Variants in RBFOX1 observed in about 807,000 individuals in gnomAD.
The protein encoded by RBFOX1 is RNA binding protein fox-1 homolog 1.
Under a neutral mutation model 57.7 loss-of-function variants are expected in RBFOX1, and 8 were observed. The ratio of observed to expected loss-of-function variants is 0.14; its 90% CI spans 0.08 to 0.25. The LOEUF is 0.25. RBFOX1 is among the 10% of genes least tolerant of loss of function. The pLI, the probability that RBFOX1 is intolerant of heterozygous loss-of-function variation, is 1.00. For synonymous variants in RBFOX1, 326 were observed against 222.4 expected, an observed-to-expected ratio of 1.47 and a Z score of -4.15; for missense variants, 611 against 548.5, an observed-to-expected ratio of 1.11 and a Z score of -1.14.
At chr16:5,590,638 G>A (rs1284871950) in intron 2 of RBFOX1, among the ~76,000 whole-genome samples, 1 of 152,184 alleles carries the variant, frequency 6.6e-6, no homozygotes, top group Admixed American at 6.5e-5. Flanking sequence ...CCCAGATCGG[G>A]CACTGAGGAA....
At chr16:6,423,400 A>T (rs920642175) in intron 2 of RBFOX1, among the ~76,000 whole-genome samples, 6 of 151,982 alleles carry the variant, frequency 3.9e-5, no homozygotes, top group African/African-American at 1.5e-4. Context: ...GGAGTTTGGG[A>T]CCAGCCTGGG....
intron 4 of RBFOX1, among the ~76,000 whole-genome samples, chr16:7,506,320 G>T (rs1366491153): frequency 2.0e-5 from 3 of 151,578 alleles, no homozygotes; most frequent in African/African-American, 7.3e-5. Flanking sequence ...TACAATGTAG[G>T]ATTCTGACAG....
At chr16:6,083,751 A>G (rs762787432) in intron 1 of RBFOX1, among the ~76,000 whole-genome samples, 70 of 152,084 alleles carry the variant, frequency 4.6e-4, no homozygotes, top group Non-Finnish European at 8.5e-4. Context: ...TGCTGAGATT[A>G]TAAGTGTGAG....
chr16:7,064,601 C>A (rs185687371), intron 4 of RBFOX1, among the ~76,000 whole-genome samples: 1 of 152,264 alleles, frequency 6.6e-6, no homozygotes, highest in Admixed American at 6.5e-5. Flanking sequence ...CCCCTGACAC[C>A]TGAGTCGCAG....
intron 1 of RBFOX1, among the ~76,000 whole-genome samples, chr16:5,389,209 A>AAATG (rs2066337685): frequency 6.6e-6 from 1 of 151,722 alleles, no homozygotes; most frequent in Non-Finnish European, 1.5e-5. Flanking sequence ...ATAAATAAAT[A>AAATG]AATAAAGGTA....
At chr16:7,465,775 C>G (rs2060405431) in intron 4 of RBFOX1, among the ~76,000 whole-genome samples, 1 of 152,088 alleles carries the variant, frequency 6.6e-6, no homozygotes, top group South Asian at 2.1e-4. Flanking sequence ...AATGCTGAAC[C>G]CCAGGAATAT....
intron 3 of RBFOX1, among the ~76,000 whole-genome samples, chr16:6,802,261 G>T (rs942310117): frequency 3.9e-5 from 6 of 152,096 alleles, no homozygotes; most frequent in Non-Finnish European, 8.8e-5. Flanking sequence ...TGCCGAAACA[G>T]TAGTTGTGGA....
At chr16:5,641,311 A>C (rs1327282583) in intron 3 of RBFOX1, among the ~76,000 whole-genome samples, 1 of 152,236 alleles carries the variant, frequency 6.6e-6, no homozygotes, top group African/African-American at 2.4e-5. Flanking sequence ...GGAAAAGACA[A>C]AGTCTCTGAT....
intron 2 of RBFOX1, among the ~76,000 whole-genome samples, chr16:6,354,480 T>C (rs372989110): frequency 6.6e-5 from 10 of 152,098 alleles, no homozygotes; most frequent in African/African-American, 2.2e-4. Context: ...CTTGATCAGG[T>C]TGATGTCCCT....
At chr16:7,181,540 CTCTCTT>C (rs2082706487) in intron 4 of RBFOX1, among the ~76,000 whole-genome samples, 1 of 143,290 alleles carries the variant, frequency 7.0e-6, no homozygotes, top group Admixed American at 6.7e-5. Flanking sequence ...CTTGCTCTCT[CTCTCTT>C]TCTCTCATCT....
intron 3 of RBFOX1, among the ~76,000 whole-genome samples, chr16:6,847,724 C>T (rs1342683132): frequency 6.6e-6 from 1 of 152,110 alleles, no homozygotes; most frequent in Non-Finnish European, 1.5e-5. Context: ...ACCCATCAAC[C>T]TGTGAATGCT....
At chr16:5,610,673 C>G (rs767401494) in intron 3 of RBFOX1, 2 of 148,972 alleles carry the variant, frequency 1.3e-5, no homozygotes, top group African/African-American at 2.4e-5. Context: ...GATACTTTGT[C>G]TCTATAAAAT....
chr16:7,164,092 G>A lies in RBFOX1; in HGVS notation c.27+111994G>A, dbSNP rs184690942. ...TAAAGCAGTGTACACTGTACCCAGT[G>A]TGTAGTCTTTTCTCCCTCACCCCCT... On this transcript the variant is annotated intron_variant, in intron 4 of 15. Coordinates refer to ENST00000550418, the MANE Select transcript of RBFOX1 (RefSeq NM_018723.4). Among the ~76,000 whole-genome samples the A allele has an allele frequency of 3.0e-3, 462 of 152,284 alleles. 5 individuals are homozygous for A. In the Middle Eastern group the frequency reaches 0.048, roughly 16 times the overall value.
At chr16:7,277,024 T>C (rs575009969) in intron 4 of RBFOX1, among the ~76,000 whole-genome samples, 2 of 152,362 alleles carry the variant, frequency 1.3e-5, no homozygotes, top group African/African-American at 4.8e-5. Context: ...AAGTTATTTT[T>C]ACAGAAAGAA....
At chr16:7,243,384 G>A (rs1666746767) in intron 4 of RBFOX1, among the ~76,000 whole-genome samples, 1 of 152,112 alleles carries the variant, frequency 6.6e-6, no homozygotes, top group African/African-American at 2.4e-5. Context: ...TGGTCACTTT[G>A]TAAAATTTAT....
At chr16:7,422,418 C>G (rs1054180574) in intron 4 of RBFOX1, among the ~76,000 whole-genome samples, 1 of 152,174 alleles carries the variant, frequency 6.6e-6, no homozygotes. Context: ...AGGCTGCCAA[C>G]ATTACCTGCA....
intron 2 of RBFOX1, among the ~76,000 whole-genome samples, chr16:6,546,726 A>C (rs1316306992): frequency 2.6e-5 from 4 of 152,202 alleles, no homozygotes; most frequent in Non-Finnish European, 5.9e-5. Flanking sequence ...ACCTGAGGTT[A>C]AGGGTTTATC....
At chr16:7,016,395 A>C (rs975912646) in intron 3 of RBFOX1, among the ~76,000 whole-genome samples, 1 of 152,164 alleles carries the variant, frequency 6.6e-6, no homozygotes, top group African/African-American at 2.4e-5. Context: ...GATACTGAAA[A>C]CAAGGCACTG....
chr16:7,504,757 A>ATATATATT (rs2072495398), intron 4 of RBFOX1, among the ~76,000 whole-genome samples: 1 of 9,390 alleles, frequency 1.1e-4, no homozygotes, highest in African/African-American at 2.8e-4. Flanking sequence ...ATATATATTT[A>ATATATATT]TATATATATA....
Sources: allele counts gnomAD v4.1 joint callset (sites outside exome capture counted in the v4.1 genomes callset), GRCh38; gene constraint gnomAD v4.1.1; transcripts MANE v1.5; gene names NCBI Gene and HGNC (gene_info 2026-07-23, HGNC 2026-07-21).